NPAS3: variants seen among roughly 807,000 people sequenced by gnomAD.
NPAS3 encodes neuronal PAS domain protein 3.
In NPAS3, 14 loss-of-function variants were observed where a neutral mutation model predicts 73.1. The ratio of observed to expected loss-of-function variants is 0.19; its 90% CI spans 0.13 to 0.30. The LOEUF is 0.30. Among genes scored for constraint, NPAS3 ranks in the 10% least tolerant of loss-of-function variants. The pLI is 1.00. For synonymous variants in NPAS3, 620 were observed against 541.5 expected (o/e 1.14, Z -2.01); for missense variants, 1,096 against 1,250.0 (o/e 0.88, Z 1.86).
At chr14:33,208,307 C>T (rs1438067668) in intron 2 of NPAS3, among the ~76,000 whole-genome samples, 2 of 152,040 alleles carry the variant, frequency 1.3e-5, no homozygotes, top group African/African-American at 2.4e-5. Flanking sequence ...GACCTCTCAG[C>T]GTTCTTTATT....
In NPAS3 at chr14:33,378,746, A is replaced by G. The variant is rs180895611; in HGVS notation, c.468+11478A>G. Among the ~76,000 whole-genome samples the G allele has an allele frequency of 3.0e-3, 452 of 152,272 alleles. 2 individuals are homozygous for G. The highest frequency in any genetic ancestry group is 9.9e-3 in the African/African-American group (410 of 41,558). ...CTCTTAGCATAGTCAGAAATGGGGG[A>G]GGAGAAAAACCCAGTGATTTCATTA... On this transcript the variant is annotated intron_variant, in intron 4 of 11. Coordinates refer to ENST00000356141, the Ensembl canonical transcript of NPAS3.
intron 6 of NPAS3, among the ~76,000 whole-genome samples, chr14:33,730,762 C>T (rs1223193721): frequency 6.6e-6 from 1 of 152,222 alleles, no homozygotes; most frequent in Admixed American, 6.5e-5. Flanking sequence ...GCATCCATTT[C>T]TAGCAAGGCT....
At chr14:33,113,076 A>C (rs367817968) in intron 2 of NPAS3, among the ~76,000 whole-genome samples, 1 of 152,208 alleles carries the variant, frequency 6.6e-6, no homozygotes, top group Non-Finnish European at 1.5e-5. Flanking sequence ...GTAGCCTTGT[A>C]GTATAGTTTG....
At chr14:33,570,627 C>A (rs1426153280) in intron 5 of NPAS3, among the ~76,000 whole-genome samples, 3 of 152,148 alleles carry the variant, frequency 2.0e-5, no homozygotes, top group African/African-American at 4.8e-5. Flanking sequence ...CTTGAGCAGA[C>A]AAGTAAATCA....
At chr14:33,309,817 C>T (rs1010923866) in intron 3 of NPAS3, among the ~76,000 whole-genome samples, 1 of 152,146 alleles carries the variant, frequency 6.6e-6, no homozygotes, top group Non-Finnish European at 1.5e-5. Flanking sequence ...AGTCTGCCTT[C>T]CCCTGGCATG....
At chr14:33,256,808 C>A (rs2048795306) in intron 3 of NPAS3, among the ~76,000 whole-genome samples, 1 of 152,118 alleles carries the variant, frequency 6.6e-6, no homozygotes, top group African/African-American at 2.4e-5. Context: ...ATTGTTGACA[C>A]ACTCTGCATT....
At chr14:33,649,001 G>T (rs553255755) in intron 5 of NPAS3, among the ~76,000 whole-genome samples, 1 of 152,224 alleles carries the variant, frequency 6.6e-6, no homozygotes, top group Admixed American at 6.5e-5. Flanking sequence ...GAAAGTACCC[G>T]TTTCCCAAGA....
At chr14:33,445,852 C>T (rs554362648) in intron 4 of NPAS3, among the ~76,000 whole-genome samples, 4 of 152,144 alleles carry the variant, frequency 2.6e-5, no homozygotes, top group East Asian at 1.9e-4. Flanking sequence ...GCTGACCCAC[C>T]AACCTTCTTT....
At chr14:33,760,418 A>G (rs1169034040) in intron 7 of NPAS3, among the ~76,000 whole-genome samples, 2 of 152,200 alleles carry the variant, frequency 1.3e-5, no homozygotes, top group East Asian at 3.8e-4. Flanking sequence ...AATTAATCTC[A>G]AAGATACTTT....
At position 33,308,553 on chromosome 14, in the gene NPAS3, C is replaced by CACACACACACACACACACAT. The variant is rs1195213186; in HGVS notation, c.386-58630_386-58629insCACACACACACACACATACA. Among the ~76,000 whole-genome samples, 63 of 113,782 alleles carry CACACACACACACACACACAT rather than the reference C, an allele frequency of 5.5e-4. 1 individual carries two copies. The East Asian group carries it at 6.8e-3, about 12-fold the overall frequency. The allele number at this position is 113,782 out of a possible 152,430, so 74.6% of individuals were successfully genotyped here. A position where few individuals can be genotyped will look rare whatever the true frequency, so the allele number is the denominator to read the frequency against. On this transcript the variant is annotated intron_variant, in intron 3 of 11. Coordinates refer to ENST00000356141, the Ensembl canonical transcript of NPAS3. The stretch of plus-strand genomic sequence containing the variant: ...ACATACACACACACACACACACACA[C>CACACACACACACACACACAT]ACATACATACATTATATATATGTAT...
chr14:33,568,862 T>C (rs1958540), intron 5 of NPAS3, among the ~76,000 whole-genome samples: 27,328 of 152,146 alleles, frequency 0.18, 2,683 homozygotes, highest in East Asian at 0.33. Context: ...CCTATGGCTT[T>C]TTATCTTTCA....
chr14:33,601,140 C>G (rs1424191805), intron 5 of NPAS3, among the ~76,000 whole-genome samples: 1 of 152,146 alleles, frequency 6.6e-6, no homozygotes, highest in Non-Finnish European at 1.5e-5. Flanking sequence ...GACAGACTAT[C>G]CATTCAGAAT....
intron 3 of NPAS3, among the ~76,000 whole-genome samples, chr14:33,251,682 G>T (rs1566725265): frequency 6.6e-6 from 1 of 151,786 alleles, no homozygotes; most frequent in Non-Finnish European, 1.5e-5. Context: ...GAACAAATAT[G>T]AAAAAAATCT....
chr14:33,008,696 C>A (rs146307073), intron 1 of NPAS3, among the ~76,000 whole-genome samples: 2 of 152,124 alleles, frequency 1.3e-5, no homozygotes, highest in African/African-American at 2.4e-5. Context: ...AAGAAATGAA[C>A]GTTAGGTAAG....
chr14:33,320,254 A>G (rs538186479), intron 3 of NPAS3, among the ~76,000 whole-genome samples: 52 of 152,238 alleles, frequency 3.4e-4, no homozygotes, highest in African/African-American at 1.2e-3. Context: ...AGGGCTGACA[A>G]TCTGGCTTGG....
intron 4 of NPAS3, among the ~76,000 whole-genome samples, chr14:33,486,699 G>A (rs2051617214): frequency 6.6e-6 from 1 of 152,154 alleles, no homozygotes; most frequent in African/African-American, 2.4e-5. Context: ...CTGTGACCCA[G>A]CATGCTGAGG....
intron 3 of NPAS3, among the ~76,000 whole-genome samples, chr14:33,280,396 T>C (rs1448054668): frequency 6.6e-6 from 1 of 152,184 alleles, no homozygotes; most frequent in Non-Finnish European, 1.5e-5. Context: ...GGTTGTTTAT[T>C]ACAGTTGGTC....
chr14:33,180,494 A>T (rs2045751637), intron 2 of NPAS3, among the ~76,000 whole-genome samples: 1 of 152,146 alleles, frequency 6.6e-6, no homozygotes, highest in African/African-American at 2.4e-5. Flanking sequence ...TTCATGATTT[A>T]ATACTTAAGT....
chr14:33,722,837 A>T (rs148430336), intron 6 of NPAS3, among the ~76,000 whole-genome samples: 148 of 152,306 alleles, frequency 9.7e-4, no homozygotes, highest in African/African-American at 3.4e-3. Flanking sequence ...GATGGATTTA[A>T]TATGGTACTT....
Sources: allele counts gnomAD v4.1 joint callset (sites outside exome capture counted in the v4.1 genomes callset), GRCh38; gene constraint gnomAD v4.1.1; transcripts MANE v1.5; gene names NCBI Gene and HGNC (gene_info 2026-07-23, HGNC 2026-07-21).